RGS10: variants seen among roughly 807,000 people sequenced by gnomAD.
RGS10 encodes the protein regulator of G protein signaling 10.
In RGS10, 11 loss-of-function variants were observed where a neutral mutation model predicts 23.5. The ratio of observed to expected loss-of-function variants is 0.47; its 90% CI spans 0.29 to 0.77. The LOEUF (loss-of-function observed/expected upper bound fraction) is 0.77, where lower values mean the gene tolerates loss of function less well. Among genes scored for constraint, RGS10 ranks in the 30% least tolerant of loss-of-function variants. The pLI is 0.08. For missense variants in RGS10, 180 were observed against 226.3 expected (o/e 0.80, Z 1.31); for synonymous variants, 77 against 83.2 (o/e 0.92, Z 0.41).
intron 4 of RGS10, among the ~76,000 whole-genome samples, chr10:119,511,602 G>C (rs549985154): frequency 8.5e-5 from 13 of 152,292 alleles, no homozygotes; most frequent in African/African-American, 2.9e-4. Flanking sequence ...CTGGGTGACA[G>C]AACAGGACTG....
chr10:119,541,536 G>A (rs544671221), intron 1 of RGS10, among the ~76,000 whole-genome samples: 1 of 152,266 alleles, frequency 6.6e-6, no homozygotes, highest in Non-Finnish European at 1.5e-5. Context: ...TGGCGAAGGT[G>A]AGATTCGGAT....
chr10:119,515,847 G>A (rs1002581091), intron 3 of RGS10, among the ~76,000 whole-genome samples, 195 bp from the exon 4 acceptor site: 63 of 152,138 alleles, frequency 4.1e-4, no homozygotes, highest in African/African-American at 1.5e-3. Context: ...CCCTACCCCC[G>A]CCCCTTCATG....
chr10:119,515,196 T>A (rs1222774835), intron 4 of RGS10, among the ~76,000 whole-genome samples: 1 of 152,130 alleles, frequency 6.6e-6, no homozygotes, highest in Non-Finnish European at 1.5e-5. Flanking sequence ...CAATTATAGG[T>A]TGCTTTCTCA....
At chr10:119,510,864 G>A (rs966800019) in intron 4 of RGS10, among the ~76,000 whole-genome samples, 7 of 151,876 alleles carry the variant, frequency 4.6e-5, no homozygotes, top group Admixed American at 4.6e-4. Context: ...GACTACAGGC[G>A]CCCACCACCA....
At chr10:119,541,074 T>C (rs1195399887) in intron 1 of RGS10, among the ~76,000 whole-genome samples, 3 of 152,262 alleles carry the variant, frequency 2.0e-5, no homozygotes, top group African/African-American at 7.2e-5. Context: ...ATTTGGCAAC[T>C]GGCTCTTGCA....
chr10:119,534,590 C>T (rs1453174346), intron 1 of RGS10, among the ~76,000 whole-genome samples: 1 of 72,964 alleles, frequency 1.4e-5, no homozygotes, highest in East Asian at 4.3e-4. Flanking sequence ...GACTCTGTCT[C>T]AAAAAAAAAA....
chr10:119,539,445 G>A (rs572210740), intron 1 of RGS10, among the ~76,000 whole-genome samples: 74 of 152,272 alleles, frequency 4.9e-4, no homozygotes, highest in African/African-American at 1.7e-3. Flanking sequence ...GTAGGGAGTC[G>A]GGTGGCTTCA....
intron 1 of RGS10, among the ~76,000 whole-genome samples, chr10:119,529,297 A>T (rs537933684): frequency 1.6e-4 from 25 of 151,920 alleles, no homozygotes; most frequent in African/African-American, 5.6e-4. Flanking sequence ...TACTAAAAAT[A>T]AAAAAAAGTA....
chr10:119,510,076 C>T (rs1305829788), intron 4 of RGS10, among the ~76,000 whole-genome samples: 2 of 152,062 alleles, frequency 1.3e-5, no homozygotes, highest in Admixed American at 6.6e-5. Context: ...TGGCTCTGCA[C>T]CAAGCCATCC....
At chr10:119,522,194 G>A (rs537531788) in intron 3 of RGS10, among the ~76,000 whole-genome samples, 22 of 152,300 alleles carry the variant, frequency 1.4e-4, no homozygotes, top group Non-Finnish European at 2.6e-4. Context: ...CACAGAAGAC[G>A]GACAAGTAAA....
In RGS10 at chr10:119,538,634, GA is replaced by G. The variant is rs1844410431; in HGVS notation, c.49+3955del. On this transcript the variant is annotated intron_variant, in intron 1 of 4. Coordinates refer to ENST00000369103, the MANE Select transcript of RGS10 (RefSeq NM_001005339.2). The surrounding 1 kb of genome is among the most constrained non-coding windows in gnomAD (Gnocchi z 4.5). ...GGCAGTGGGGCAGCAAGGTGGACCTGAGGGAGCTTAGCAGGGCTCTTGACAG... is the reference window on the plus strand; with the variant it reads ...GGCAGTGGGGCAGCAAGGTGGACCTGGGGAGCTTAGCAGGGCTCTTGACAG... Among the ~76,000 whole-genome samples, 1 of 152,138 alleles carries G rather than the reference GA, an allele frequency of 6.6e-6. No homozygotes were observed. The highest frequency in any genetic ancestry group is 2.1e-4 in the South Asian group (1 of 4,830).
At chr10:119,534,865 G>A (rs1223518228) in intron 1 of RGS10, among the ~76,000 whole-genome samples, 2 of 151,834 alleles carry the variant, frequency 1.3e-5, no homozygotes, top group African/African-American at 2.4e-5. Context: ...ACTCCAGCCT[G>A]GTGACAGAGC....
chr10:119,515,179 C>A (rs186737657), intron 4 of RGS10, among the ~76,000 whole-genome samples: 1 of 152,226 alleles, frequency 6.6e-6, no homozygotes, highest in East Asian at 1.9e-4. Context: ...TCTATTCTTA[C>A]CTTCAGCAAT....
chr10:119,529,318 G>T (rs1283112605), intron 1 of RGS10, among the ~76,000 whole-genome samples: 1 of 152,112 alleles, frequency 6.6e-6, no homozygotes, highest in Non-Finnish European at 1.5e-5. Context: ...GCTGGGTGTG[G>T]TGGTGGGTGC....
chr10:119,536,144 A>G lies in RGS10; in HGVS notation c.49+6446T>C, dbSNP rs115021821. Among the ~76,000 whole-genome samples the G allele has an allele frequency of 2.3e-3, 349 of 152,344 alleles. 2 individuals carry two copies. Among genetic ancestry groups the G allele is most frequent in the African/African-American group, 8.0e-3 (333 of 41,578 alleles). ...CACCTGCATGCAATTCCCTTGCCAG[A>G]GAGATCTGATTGAACTGCAGTTAGC... On this transcript the variant is annotated intron_variant, in intron 1 of 4. Transcript: ENST00000369103.
At chr10:119,522,410 G>A (rs923117347) in intron 3 of RGS10, among the ~76,000 whole-genome samples, 4 of 152,120 alleles carry the variant, frequency 2.6e-5, no homozygotes, top group Non-Finnish European at 5.9e-5. Flanking sequence ...GTTAGGTTAC[G>A]TGCACAACAG....
intron 1 of RGS10, among the ~76,000 whole-genome samples, chr10:119,532,153 CCTGA>C (rs1285032580): frequency 2.6e-5 from 4 of 152,296 alleles, no homozygotes; most frequent in East Asian, 1.9e-4. Flanking sequence ...TCTAAGACTT[CCTGA>C]CTGTCTTTCA....
At chr10:119,506,267 G>A (rs953372859) in intron 4 of RGS10, among the ~76,000 whole-genome samples, 9 of 152,252 alleles carry the variant, frequency 5.9e-5, no homozygotes, top group African/African-American at 1.7e-4. Flanking sequence ...AGGTCTGAGG[G>A]CAGCTGGCAG....
chr10:119,523,552 C>G (rs1234772794), intron 3 of RGS10, among the ~76,000 whole-genome samples: 1 of 152,178 alleles, frequency 6.6e-6, no homozygotes, highest in African/African-American at 2.4e-5. Flanking sequence ...GTAATCCCAG[C>G]TACTCGGGAG....
Sources: allele counts gnomAD v4.1 joint callset (sites outside exome capture counted in the v4.1 genomes callset), GRCh38; gene constraint gnomAD v4.1.1; non-coding constraint Gnocchi (gnomAD v3.1); transcripts MANE v1.5; gene names NCBI Gene and HGNC (gene_info 2026-07-23, HGNC 2026-07-21).